The following FOXJ3 variants were observed in gnomAD, a reference collection of about 807,000 sequenced individuals.
FOXJ3 encodes forkhead box J3.
FOXJ3 carries 22 observed loss-of-function variants against 76.1 expected under a neutral mutation model. That is an observed-to-expected ratio of 0.29 (90% CI 0.21 to 0.41). FOXJ3 has a LOEUF of 0.41. FOXJ3 is among the 10% of genes least tolerant of loss of function. FOXJ3 has a pLI of 1.00. For missense variants in FOXJ3, 613 were observed against 762.1 expected (o/e 0.80, Z 2.30); for synonymous variants, 269 against 261.2 (o/e 1.03, Z -0.29).
At chr1:42,280,227 A>C (rs914549643) in intron 2 of FOXJ3, 21 of 847,648 alleles carry the variant, frequency 2.5e-5, no homozygotes, top group Non-Finnish European at 2.7e-5. Flanking sequence ...ATGCACTATA[A>C]AGTAAACCAC....
At chr1:42,209,152 C>T (rs183413595) in intron 5 of FOXJ3, among the ~76,000 whole-genome samples, 3 of 152,286 alleles carry the variant, frequency 2.0e-5, no homozygotes, top group Admixed American at 1.3e-4. Context: ...ATCCTAAAGA[C>T]TTCAACAAAA....
intron 3 of FOXJ3, among the ~76,000 whole-genome samples, chr1:42,270,334 C>A (rs1651777773): frequency 6.6e-6 from 1 of 152,102 alleles, no homozygotes; most frequent in Non-Finnish European, 1.5e-5. Flanking sequence ...TGGTCTTCCC[C>A]CTCCATGCTG....
At chr1:42,205,022 GAA>G (rs149238438) in intron 6 of FOXJ3, among the ~76,000 whole-genome samples, 1,719 of 152,242 alleles carry the variant, frequency 0.011, 14 homozygotes, top group Non-Finnish European at 0.019. Flanking sequence ...GCTAGAGGGA[GAA>G]AATGAAAACA....
chr1:42,316,219 A>G (rs577134211), intron 1 of FOXJ3, among the ~76,000 whole-genome samples: 2 of 150,868 alleles, frequency 1.3e-5, no homozygotes, highest in African/African-American at 4.8e-5. Flanking sequence ...CCCAGGCTGG[A>G]GTACAGTGGC....
intron 2 of FOXJ3, among the ~76,000 whole-genome samples, chr1:42,279,059 TAAA>T (rs749247973): frequency 5.3e-5 from 8 of 152,134 alleles, no homozygotes; most frequent in Non-Finnish European, 1.2e-4. Context: ...GTTAAAAGCT[TAAA>T]ATGTACCTCT....
intron 5 of FOXJ3, among the ~76,000 whole-genome samples, chr1:42,212,666 A>C (rs1273921563): frequency 6.6e-6 from 1 of 152,202 alleles, no homozygotes; most frequent in African/African-American, 2.4e-5. Flanking sequence ...TTGAGGAAAT[A>C]ATTAAGGAAA....
intron 1 of FOXJ3, among the ~76,000 whole-genome samples, chr1:42,325,310 T>C (rs1293372338): frequency 6.6e-6 from 1 of 152,220 alleles, no homozygotes; most frequent in East Asian, 1.9e-4. Context: ...CAGCTTCCCT[T>C]AAAGCCATCT....
At chr1:42,227,177 A>G (rs1442465889) in intron 5 of FOXJ3, among the ~76,000 whole-genome samples, 1 of 152,250 alleles carries the variant, frequency 6.6e-6, no homozygotes, top group African/African-American at 2.4e-5. Context: ...GAAGAGAGTA[A>G]GCGAAGCTTC....
At chr1:42,291,967 G>T (rs879775494) in intron 2 of FOXJ3, among the ~76,000 whole-genome samples, 1 of 152,144 alleles carries the variant, frequency 6.6e-6, no homozygotes, top group South Asian at 2.1e-4. Context: ...AGGAGGACGG[G>T]AGCAGGCTCA....
At chr1:42,202,569 G>T (rs1281812609) in intron 6 of FOXJ3, among the ~76,000 whole-genome samples, 2 of 151,926 alleles carry the variant, frequency 1.3e-5, no homozygotes, top group Non-Finnish European at 1.5e-5. Context: ...TTTTTTTTCT[G>T]ATTTAAATCT....
chr1:42,196,971 T>C (rs1366412482), intron 7 of FOXJ3, among the ~76,000 whole-genome samples: 3 of 152,214 alleles, frequency 2.0e-5, no homozygotes, highest in African/African-American at 7.2e-5. Context: ...GTTTTATAAC[T>C]CCACTTTGTC....
In FOXJ3 at chr1:42,311,650, A is replaced by AAGTAGT. The variant is rs142219815; in HGVS notation, c.-17-546_-17-541dup. ...AAACAGTTCCATTGCTTTAAAAAAA[A>AAGTAGT]AGTAGTAGTAGTAGTAGTAGTAGTA... is the stretch of plus-strand genomic sequence containing the variant. On this transcript the variant is annotated intron_variant, in intron 1 of 12. Transcript: ENST00000361346. Among the ~76,000 whole-genome samples, 1,206 of 149,504 alleles carry AAGTAGT rather than the reference A, an allele frequency of 8.1e-3. 4 individuals are homozygous for AAGTAGT. Among genetic ancestry groups the AAGTAGT allele is most frequent in the Non-Finnish European group, 0.013 (865 of 67,544 alleles).
At chr1:42,317,922 TATG>T (rs1220470514) in intron 1 of FOXJ3, among the ~76,000 whole-genome samples, 1 of 152,214 alleles carries the variant, frequency 6.6e-6, no homozygotes, top group Non-Finnish European at 1.5e-5. Context: ...CACCATCTGA[TATG>T]ATTTTTATTT....
intron 3 of FOXJ3, among the ~76,000 whole-genome samples, chr1:42,276,661 T>C (rs1478296428): frequency 2.6e-5 from 4 of 152,160 alleles, no homozygotes; most frequent in Non-Finnish European, 5.9e-5. Flanking sequence ...ACTTACTGTA[T>C]TTGCATATGC....
chr1:42,212,127 G>A (rs1266976752), intron 5 of FOXJ3, among the ~76,000 whole-genome samples: 1 of 152,136 alleles, frequency 6.6e-6, no homozygotes, highest in African/African-American at 2.4e-5. Flanking sequence ...GGTGGCACGT[G>A]CCTGCAGTCC....
intron 4 of FOXJ3, among the ~76,000 whole-genome samples, chr1:42,234,042 G>A (rs1290954088): frequency 6.6e-6 from 1 of 152,136 alleles, no homozygotes; most frequent in East Asian, 1.9e-4. Context: ...TTCTGCATCT[G>A]ATATAGATTT....
intron 3 of FOXJ3, among the ~76,000 whole-genome samples, chr1:42,268,656 T>A (rs1439507999): frequency 1.3e-5 from 2 of 152,066 alleles, no homozygotes; most frequent in Admixed American, 6.5e-5. Flanking sequence ...GCAAAAAGGA[T>A]GGGTCAAAGG....
chr1:42,227,850 C>A (rs773777467), intron 5 of FOXJ3, 33 bp downstream of exon 5: 2 of 1,207,876 alleles, frequency 1.7e-6, no homozygotes, highest in Non-Finnish European at 1.2e-6. Context: ...ATATTCAATG[C>A]ATTACACTAA....
At chr1:42,307,094 C>T (rs1416374536) in intron 2 of FOXJ3, among the ~76,000 whole-genome samples, 3 of 152,224 alleles carry the variant, frequency 2.0e-5, no homozygotes, top group Non-Finnish European at 4.4e-5. Context: ...GAAGAAAAGA[C>T]TATCTTCCTA....
Sources: allele counts gnomAD v4.1 joint callset (sites outside exome capture counted in the v4.1 genomes callset), GRCh38; gene constraint gnomAD v4.1.1; transcripts MANE v1.5; gene names NCBI Gene and HGNC (gene_info 2026-07-23, HGNC 2026-07-21).